SMARCAD1: variants seen among roughly 807,000 people sequenced by gnomAD.
The protein encoded by SMARCAD1 is SNF2 related chromatin remodeling ATPase with DExD box 1.
A neutral mutation model predicts 127.1 loss-of-function variants in SMARCAD1; 25 were observed. That is an observed-to-expected ratio of 0.20 (90% CI 0.14 to 0.27). The LOEUF is 0.27. SMARCAD1 is among the 10% of genes least tolerant of loss of function. SMARCAD1 has a pLI of 1.00. For missense variants in SMARCAD1, 807 were observed against 1,206.0 expected (o/e 0.67, Z 4.90); for synonymous variants, 400 against 396.9 (o/e 1.01, Z -0.09).
chr4:94,229,053 C>A (rs555923894), intron 3 of SMARCAD1, among the ~76,000 whole-genome samples: 1 of 152,254 alleles, frequency 6.6e-6, no homozygotes, highest in South Asian at 2.1e-4. Context: ...TCAGGAGACA[C>A]ATGATATCCA....
chr4:94,277,173 C>T lies in SMARCAD1; in HGVS notation c.2082+14C>T. On this transcript the variant is annotated intron_variant, in intron 16 of 23. Coordinates refer to ENST00000354268, the MANE Select transcript of SMARCAD1 (RefSeq NM_020159.5). The stretch of plus-strand genomic sequence containing the variant: ...TCCTCTAAGACAGTAAGCATAAATG[C>T]ATATTTTCTCCCAAATATGTTATTT... The T allele has an allele frequency of 1.2e-6, 2 of 1,613,306 alleles. No homozygotes were observed. The highest frequency in any genetic ancestry group is 1.1e-5 in the South Asian group (1 of 91,052).
In SMARCAD1 at chr4:94,290,959, G is replaced by A. The variant is rs767720734; in HGVS notation, c.*1425G>A. 4.0e-5 allele frequency: 18 copies of A among 450,944 alleles called. No individual in the cohort carries two copies. The highest frequency in any genetic ancestry group is 1.7e-4 in the Admixed American group (7 of 41,972). The allele number at this position is 450,944 out of a possible 1,614,324, so 27.9% of individuals were successfully genotyped here. The stretch of plus-strand genomic sequence containing the variant: ...TAGATATTAAAGACTGAGAACTCAC[G>A]GCTTAACCCCAGTCTTGATGGTATA... On this transcript the variant is annotated 3_prime_UTR_variant, in exon 24 of 24. Transcript: ENST00000354268.
intron 9 of SMARCAD1, among the ~76,000 whole-genome samples, chr4:94,259,765 A>G (rs1354328833): frequency 6.6e-6 from 1 of 152,146 alleles, no homozygotes; most frequent in Non-Finnish European, 1.5e-5. Context: ...CCATCATATT[A>G]TTTTGAAGCA....
At position 94,226,267 on chromosome 4, in the gene SMARCAD1, A is replaced by G. The variant is rs771942878; in HGVS notation, c.339A>G (p.Lys113=). ...ATTGCTCCAATACAGTTCAAGAGAAAACATTCAACAAAGATACAGTGATTA... is the reference window on the plus strand; with the variant it reads ...ATTGCTCCAATACAGTTCAAGAGAAGACATTCAACAAAGATACAGTGATTA... ...SPNCSNTVQE[K]TFNKDTVIIV... is the part of the protein sequence containing the mutation. The change falls in exon 3 of 24, where the codon AAA becomes AAG. Residue 113 remains lysine, a synonymous_variant. Transcript: ENST00000354268. 43 of 1,612,962 alleles carry G rather than the reference A, an allele frequency of 2.7e-5. No individual in the cohort carries two copies. The highest frequency in any genetic ancestry group is 3.3e-5 in the Admixed American group (2 of 59,984).
intron 2 of SMARCAD1, among the ~76,000 whole-genome samples, chr4:94,211,857 A>G (rs1403219422): frequency 1.3e-5 from 2 of 152,140 alleles, no homozygotes; most frequent in Non-Finnish European, 2.9e-5. Context: ...ACCTTCCTTG[A>G]TCACCCTGTG....
At chr4:94,247,646 G>GT (rs754695779) in intron 6 of SMARCAD1, among the ~76,000 whole-genome samples, 2 of 151,994 alleles carry the variant, frequency 1.3e-5, no homozygotes, top group Non-Finnish European at 2.9e-5. Flanking sequence ...TCATCACCTC[G>GT]TAATAGCATG....
rs749200696 is a variant in SMARCAD1, at chr4:94,290,117, C to T, written c.*583C>T. The T allele has an allele frequency of 6.6e-6, 3 of 454,494 alleles. No individual in the cohort carries two copies. Among genetic ancestry groups the T allele is most frequent in the South Asian group, 4.7e-5 (3 of 64,476 alleles). The allele number at this position is 454,494 out of a possible 1,614,324, so 28.2% of individuals were successfully genotyped here. ...TTCCATATACTAACATCCCCCAGGT[C>T]CTCTCAAGTACTTCTGCTGAAACAA... On this transcript the variant is annotated 3_prime_UTR_variant, in exon 24 of 24. Coordinates refer to ENST00000354268, the MANE Select transcript of SMARCAD1 (RefSeq NM_020159.5).
chr4:94,253,771 A>G, intron 9 of SMARCAD1: 1 of 785,546 alleles, frequency 1.3e-6, no homozygotes, highest in Non-Finnish European at 1.5e-6. Context: ...GCCAACAGTC[A>G]TCAAATCTTA....
At chr4:94,239,999 A>G (rs1747332260) in intron 5 of SMARCAD1, among the ~76,000 whole-genome samples, 1 of 152,200 alleles carries the variant, frequency 6.6e-6, no homozygotes, top group Non-Finnish European at 1.5e-5. Flanking sequence ...TTGTAGTGAC[A>G]CAAATACTCT....
Position 94,247,105 on chromosome 4 carries a change from G to A in SMARCAD1, c.706-2549G>A, listed in dbSNP as rs1748550523. On this transcript the variant is annotated intron_variant, in intron 6 of 23. Transcript: ENST00000354268. ...CAATATCTGCAGTTCCTTTAGGACT[G>A]TAGTAATTGCTTATTGTTTTGATTG... Among the ~76,000 whole-genome samples the A allele has an allele frequency of 3.6e-5, 4 of 111,832 alleles. No individual in the cohort carries two copies. The Admixed American group carries it at 4.1e-4, about 12-fold the overall frequency. 73.4% of individuals were successfully genotyped at this position (111,832 alleles called of 152,430 possible).
At chr4:94,266,198 C>T (rs1751709830) in intron 10 of SMARCAD1, among the ~76,000 whole-genome samples, 1 of 152,098 alleles carries the variant, frequency 6.6e-6, no homozygotes, top group Admixed American at 6.6e-5. Flanking sequence ...TGTTCTCCAG[C>T]ATTGGATATG....
chr4:94,211,265 T>C (rs1443981649), intron 2 of SMARCAD1, among the ~76,000 whole-genome samples: 1 of 151,842 alleles, frequency 6.6e-6, no homozygotes, highest in African/African-American at 2.4e-5. Context: ...AGAGCAAAAC[T>C]CCATGTCAAA....
At chr4:94,262,023 C>T (rs1412020103) in intron 9 of SMARCAD1, among the ~76,000 whole-genome samples, 1 of 152,162 alleles carries the variant, frequency 6.6e-6, no homozygotes, top group Non-Finnish European at 1.5e-5. Flanking sequence ...TTTTTAAATG[C>T]TTCTAAATGT....
intron 8 of SMARCAD1, 22 bp from the exon 9 acceptor site, chr4:94,252,592 ACT>A (rs2125917369): frequency 1.4e-6 from 2 of 1,437,792 alleles, no homozygotes; most frequent in South Asian, 1.4e-5. Flanking sequence ...TAATTTAGTT[ACT>A]GTTTTTGTCT....
At chr4:94,243,051 CG>C (rs1170941862) in intron 6 of SMARCAD1, among the ~76,000 whole-genome samples, 1 of 152,140 alleles carries the variant, frequency 6.6e-6, no homozygotes, top group Non-Finnish European at 1.5e-5. Context: ...CTCTGCCTCC[CG>C]GGTTCAAGTG....
At chr4:94,211,145 G>A (rs1045436751) in intron 2 of SMARCAD1, among the ~76,000 whole-genome samples, 11 of 152,110 alleles carry the variant, frequency 7.2e-5, no homozygotes, top group Admixed American at 1.3e-4. Context: ...GGTGGTACAT[G>A]CCTGTAATCC....
intron 20 of SMARCAD1, among the ~76,000 whole-genome samples, 157 bp downstream of exon 20, chr4:94,280,937 T>C (rs1579348415): frequency 1.3e-5 from 2 of 152,044 alleles, no homozygotes; most frequent in Admixed American, 1.3e-4. Context: ...TTTTCTTGAT[T>C]ACCTCCTTTC....
intron 2 of SMARCAD1, among the ~76,000 whole-genome samples, chr4:94,218,347 G>A (rs770817967): frequency 1.3e-5 from 2 of 151,716 alleles, no homozygotes; most frequent in Non-Finnish European, 2.9e-5. Flanking sequence ...GCAGTGGCAT[G>A]ATCTCTCTCA....
chr4:94,262,026 C>T (rs1164836685), intron 9 of SMARCAD1, among the ~76,000 whole-genome samples: 1 of 152,160 alleles, frequency 6.6e-6, no homozygotes, highest in Admixed American at 6.5e-5. Context: ...TTAAATGCTT[C>T]TAAATGTTGG....
Sources: allele counts gnomAD v4.1 joint callset (sites outside exome capture counted in the v4.1 genomes callset), GRCh38; gene constraint gnomAD v4.1.1; transcripts MANE v1.5; gene names NCBI Gene and HGNC (gene_info 2026-07-23, HGNC 2026-07-21).